ZNF667: variants seen among roughly 807,000 people sequenced by gnomAD.
ZNF667 encodes zinc finger protein 667.
In ZNF667, 13 loss-of-function variants were observed where a neutral mutation model predicts 31.8. That is an observed-to-expected ratio of 0.41 (90% CI 0.27 to 0.65). The LOEUF (loss-of-function observed/expected upper bound fraction) is 0.65. Ranked by LOEUF, ZNF667 falls within the 30% of genes least tolerant of loss-of-function variation. ZNF667 has a pLI of 0.32. For synonymous variants in ZNF667, 228 were observed against 247.1 expected, an observed-to-expected ratio of 0.92 and a Z score of 0.73; for missense variants, 642 against 725.6, an observed-to-expected ratio of 0.88 and a Z score of 1.32.
Position 56,441,445 on chromosome 19 carries a change from T to C in ZNF667, c.1550A>G (p.His517Arg). ...CTTCTCTCCAGTGTGAATTCTTTCA[T>C]GTTGGGCGAGGTGTGCACTCTGGCT... ...AFSQSAHLAQHERIHTGEKPY... is the reference protein window; with the variant it reads ...AFSQSAHLAQRERIHTGEKPY... Residue 517 changes from histidine to arginine, a missense_variant, in exon 7 of 7, where the codon CAT becomes CGT. Physicochemically the swap from His to Arg is conservative, Grantham distance 29. Coordinates refer to ENST00000504904, the MANE Select transcript of ZNF667 (RefSeq NM_001321356.2). This position sits in a 1 kb window ranked among gnomAD's most constrained non-coding sequence, Gnocchi z 4.2. 5 of 1,614,244 alleles carry C rather than the reference T, an allele frequency of 3.1e-6. No individual in the cohort carries two copies. The highest frequency in any genetic ancestry group is 2.2e-5 in the East Asian group (1 of 44,884).
chr19:56,468,583 G>A (rs1021202356), intron 3 of ZNF667: 1 of 152,344 alleles, frequency 6.6e-6, no homozygotes, highest in African/African-American at 2.4e-5. Context: ...GCACATGTCA[G>A]GACCTCCTGA....
At chr19:56,451,626 T>C (rs2042823838) in intron 6 of ZNF667, among the ~76,000 whole-genome samples, 1 of 152,076 alleles carries the variant, frequency 6.6e-6, no homozygotes, top group Non-Finnish European at 1.5e-5. Context: ...CCCAGCACTT[T>C]GGGAGGCTGA....
At chr19:56,475,306 G>C (rs2043379981) in intron 1 of ZNF667, 1 of 152,214 alleles carries the variant, frequency 6.6e-6, no homozygotes, top group African/African-American at 2.4e-5. Context: ...ATGAATGAAT[G>C]CATCTCGGAG....
At chr19:56,458,114 C>T in intron 6 of ZNF667, 41 bp downstream of exon 6, 2 of 1,539,876 alleles carry the variant, frequency 1.3e-6, no homozygotes, top group South Asian at 1.1e-5. Flanking sequence ...TATAGCAGCC[C>T]CAGTAGACTG....
chr19:56,444,106 CAT>C (rs770175503), intron 6 of ZNF667: 21 of 396,690 alleles, frequency 5.3e-5, no homozygotes, highest in East Asian at 2.1e-4. Context: ...AGGTTAAATA[CAT>C]ATATTACTAA....
intron 2 of ZNF667, among the ~76,000 whole-genome samples, chr19:56,473,285 A>G (rs1293814439): frequency 6.6e-6 from 1 of 152,230 alleles, no homozygotes; most frequent in Non-Finnish European, 1.5e-5. Context: ...GAGCTTCCTC[A>G]TATGTAAGAT....
At chr19:56,462,609 C>T (rs574215366) in intron 3 of ZNF667, among the ~76,000 whole-genome samples, 180 bp from the exon 4 acceptor site, 26 of 152,314 alleles carry the variant, frequency 1.7e-4, no homozygotes, top group Non-Finnish European at 2.9e-4. Context: ...GGGAAGGGCA[C>T]GGCCAACCCT....
At chr19:56,443,450 A>G (rs2042659491) in intron 6 of ZNF667, among the ~76,000 whole-genome samples, 2 of 152,218 alleles carry the variant, frequency 1.3e-5, no homozygotes, top group Admixed American at 1.3e-4. Context: ...CCTAGATAGT[A>G]TAGCCTACTA....
intron 6 of ZNF667, among the ~76,000 whole-genome samples, chr19:56,456,978 G>A (rs930012591): frequency 5.3e-5 from 8 of 151,932 alleles, no homozygotes; most frequent in South Asian, 2.1e-4. Flanking sequence ...TCTGGCTTCC[G>A]TTACACACCC....
chr19:56,447,220 G>A (rs1174550688), intron 6 of ZNF667, among the ~76,000 whole-genome samples: 3 of 152,052 alleles, frequency 2.0e-5, no homozygotes, highest in East Asian at 1.9e-4. Flanking sequence ...GGAAAGAATG[G>A]GGAAATATTT....
chr19:56,466,460 C>T (rs556484676), intron 3 of ZNF667, among the ~76,000 whole-genome samples: 2 of 152,298 alleles, frequency 1.3e-5, no homozygotes, highest in South Asian at 4.1e-4. Flanking sequence ...CAATGGGAGG[C>T]AGCTGGAGGT....
At chr19:56,464,932 T>G (rs368798195) in intron 3 of ZNF667, among the ~76,000 whole-genome samples, 4 of 152,314 alleles carry the variant, frequency 2.6e-5, no homozygotes, top group Non-Finnish European at 4.4e-5. Context: ...CATTTGTCTT[T>G]GGAGAGGACA....
At chr19:56,462,888 C>T (rs1266638597) in intron 3 of ZNF667, among the ~76,000 whole-genome samples, 3 of 152,078 alleles carry the variant, frequency 2.0e-5, no homozygotes, top group Non-Finnish European at 4.4e-5. Context: ...GGGTTAGAGT[C>T]GTGGAATGGT....
At chr19:56,450,044 G>A (rs2042788588) in intron 6 of ZNF667, among the ~76,000 whole-genome samples, 1 of 151,638 alleles carries the variant, frequency 6.6e-6, no homozygotes, top group South Asian at 2.1e-4. Flanking sequence ...GAGAGACTGG[G>A]GTAGAAAGTG....
chr19:56,462,299 C>T (rs773251982), intron 4 of ZNF667, 39 bp downstream of exon 4: 14 of 1,613,330 alleles, frequency 8.7e-6, no homozygotes, highest in Middle Eastern at 1.6e-4. Context: ...TCACAAGACA[C>T]GATGGGGTGT....
At chr19:56,455,220 G>A (rs2042907346) in intron 6 of ZNF667, among the ~76,000 whole-genome samples, 1 of 152,124 alleles carries the variant, frequency 6.6e-6, no homozygotes, top group African/African-American at 2.4e-5. Context: ...GTACACTGTG[G>A]GAATGTAAAT....
rs993567823 is a variant in ZNF667 at position 56,442,655 on chromosome 19, C to A, written c.340G>T (p.Ala114Ser). 1.1e-5 allele frequency: 17 copies of A among 1,613,278 alleles called. No homozygotes were observed. Among genetic ancestry groups the A allele is most frequent in the Non-Finnish European group, 1.4e-5 (17 of 1,179,862 alleles). The change falls in exon 7 of 7, where the codon GCA (alanine) becomes TCA (serine). Residue 114 changes from alanine (A) to serine (S), a missense_variant. Ala to Ser is a moderately conservative substitution (Grantham distance 99, BLOSUM62 1). Coordinates refer to ENST00000504904, the MANE Select transcript of ZNF667 (RefSeq NM_001321356.2). ...TTTCGTGTAGGAGCTTTTTGTTGTG[C>A]AGAAACTAGTTTCTGGCAGATGCTT... The part of the protein sequence containing the change: ...GQSICQKLVS[A>S]QQKAPTRKSG...
At chr19:56,470,284 G>T (rs752981218) in intron 3 of ZNF667, among the ~76,000 whole-genome samples, 1 of 152,210 alleles carries the variant, frequency 6.6e-6, no homozygotes, top group African/African-American at 2.4e-5. Context: ...CGCATTGACC[G>T]TCCTTAGCCC....
chr19:56,451,989 C>T (rs935881975), intron 6 of ZNF667, among the ~76,000 whole-genome samples: 1 of 150,028 alleles, frequency 6.7e-6, no homozygotes, highest in Non-Finnish European at 1.5e-5. Flanking sequence ...GGAAAGTATA[C>T]CAACACATTG....
Sources: allele counts gnomAD v4.1 joint callset (sites outside exome capture counted in the v4.1 genomes callset), GRCh38; gene constraint gnomAD v4.1.1; non-coding constraint Gnocchi (gnomAD v3.1); transcripts MANE v1.5; gene names NCBI Gene and HGNC (gene_info 2026-07-23, HGNC 2026-07-21).